Variants in OPRM1 observed in about 807,000 individuals in gnomAD.
OPRM1 encodes the protein opioid receptor mu 1.
In OPRM1, 27 loss-of-function variants were observed where a neutral mutation model predicts 31.8. The ratio of observed to expected loss-of-function variants is 0.85; its 90% CI spans 0.63 to 1.17. The LOEUF (loss-of-function observed/expected upper bound fraction) is 1.17, where lower values mean the gene tolerates loss of function less well. Ranked by LOEUF, OPRM1 falls within the 50% of genes most tolerant of loss-of-function variation. The pLI is 0.00. For missense variants in OPRM1, 536 were observed against 511.1 expected (o/e 1.05, Z -0.47); for synonymous variants, 196 against 189.9 (o/e 1.03, Z -0.26).
At chr6:154,190,800 T>C (rs898430457) in intron 3 of OPRM1, among the ~76,000 whole-genome samples, 1 of 152,192 alleles carries the variant, frequency 6.6e-6, no homozygotes, top group African/African-American at 2.4e-5. Flanking sequence ...CTGTGATGCA[T>C]CCATACAATG....
In OPRM1 at chr6:154,126,999, G is replaced by A. The variant is rs1797624571; in HGVS notation, c.*8278G>A. On this transcript the variant is annotated 3_prime_UTR_variant, in exon 4 of 4. Transcript: ENST00000330432. The stretch of plus-strand genomic sequence containing the variant: ...TGGTGCACGCCTGTAATCCCAGCTA[G>A]TCGGGAGGCTGAGGCAGGAGAATTG... 1.3e-5 allele frequency among the ~76,000 whole-genome samples: 2 copies of A among 151,842 alleles called. No homozygotes were observed. Among genetic ancestry groups the A allele is most frequent in the South Asian group, 4.2e-4 (2 of 4,812 alleles).
intron 3 of OPRM1, among the ~76,000 whole-genome samples, chr6:154,228,876 G>A (rs978785625): frequency 4.6e-5 from 7 of 152,194 alleles, no homozygotes; most frequent in African/African-American, 1.2e-4. Flanking sequence ...GCTACAGAGT[G>A]AGACCCAGTC....
downstream of OPRM1, among the ~76,000 whole-genome samples, chr6:154,137,097 T>C (rs1583646543): frequency 6.6e-6 from 1 of 152,170 alleles, no homozygotes; most frequent in Non-Finnish European, 1.5e-5. Flanking sequence ...AAACCAAGCC[T>C]GAGAGATTAC....
chr6:154,142,122 C>CGTCTCTG (rs1798230615), intron 3 of OPRM1, among the ~76,000 whole-genome samples: 1 of 53,348 alleles, frequency 1.9e-5, no homozygotes, highest in African/African-American at 6.4e-5. Flanking sequence ...AACCTCTGGC[C>CGTCTCTG]GTCTCTGCTG....
At chr6:154,034,085 C>A (rs1432703349) in intron 1 of OPRM1, among the ~76,000 whole-genome samples, 3 of 152,174 alleles carry the variant, frequency 2.0e-5, no homozygotes, top group Non-Finnish European at 2.9e-5. Flanking sequence ...TAAATCTTGG[C>A]CCTTGAGTAC....
chr6:154,039,488 A>G lies in OPRM1; in HGVS notation c.-57A>G, dbSNP rs747870550. 1 of 1,564,992 alleles carries G rather than the reference A, an allele frequency of 6.4e-7. No individual in the cohort carries two copies. Among genetic ancestry groups the G allele is most frequent in the Non-Finnish European group, 8.7e-7 (1 of 1,154,494 alleles). ...AGCGGCTGAGGCGCTTGGAACCCGA[A>G]AAGTCTCGGTGCTCCTGGCTACCTC... is the stretch of plus-strand genomic sequence containing the variant. On this transcript the variant is annotated 5_prime_UTR_variant, in exon 1 of 4. Coordinates refer to ENST00000330432, the MANE Select transcript of OPRM1 (RefSeq NM_000914.5).
intron 3 of OPRM1, among the ~76,000 whole-genome samples, chr6:154,184,896 C>G (rs1354645068): frequency 2.0e-5 from 3 of 151,190 alleles, no homozygotes; most frequent in Non-Finnish European, 4.5e-5. Flanking sequence ...CTTGCCTACC[C>G]CTTTCAGATA....
At chr6:154,143,173 A>T (rs1001161733) in intron 3 of OPRM1, among the ~76,000 whole-genome samples, 1 of 152,148 alleles carries the variant, frequency 6.6e-6, no homozygotes, top group Non-Finnish European at 1.5e-5. Flanking sequence ...GTAATTTAAT[A>T]TTTTTTTGAT....
chr6:154,012,561 G>A (rs1777786282), intron 1 of OPRM1, among the ~76,000 whole-genome samples: 2 of 151,996 alleles, frequency 1.3e-5, no homozygotes, highest in Non-Finnish European at 1.5e-5. Context: ...CTCAAAGGTA[G>A]GATTTGGTCA....
intron 1 of OPRM1, among the ~76,000 whole-genome samples, chr6:154,057,175 G>A (rs1326114781): frequency 6.6e-6 from 1 of 152,036 alleles, no homozygotes; most frequent in Non-Finnish European, 1.5e-5. Flanking sequence ...GTCTAAACAG[G>A]GAAGACATTG....
intron 3 of OPRM1, among the ~76,000 whole-genome samples, chr6:154,202,494 T>C (rs949702230): frequency 1.1e-4 from 17 of 152,216 alleles, no homozygotes; most frequent in African/African-American, 4.1e-4. Flanking sequence ...CACGTTCCCC[T>C]ATTGTGAGCT....
rs117780433 is a variant in OPRM1 at position 154,026,039 on chromosome 6, G to A, written c.1-13122G>A. On this transcript the variant is annotated intron_variant, in intron 1 of 5. Coordinates refer to the OPRM1 transcript ENST00000434900. ...GTACTTACTATCACCAGTGAGTTTT[G>A]TACCTTCAGATGATTTCTTTTTGTT... Among the ~76,000 whole-genome samples the A allele has an allele frequency of 8.8e-3, 1,338 of 152,090 alleles. 20 individuals are homozygous for A. The highest frequency in any genetic ancestry group is 0.052 in the South Asian group (250 of 4,812).
rs188658631 is a variant in OPRM1, at chr6:154,222,080, G to T, written c.1165-24613G>T. Among the ~76,000 whole-genome samples the T allele has an allele frequency of 2.0e-5, 3 of 152,242 alleles. No homozygotes were observed. In the South Asian group the frequency reaches 6.2e-4, roughly 32 times the overall value. On this transcript the variant is annotated intron_variant, in intron 3 of 3. Coordinates refer to the OPRM1 transcript ENST00000337049. ...AAGAATTTTTATAGGAGAATAATCA[G>T]GTATGGAACGTCCACTCTGCAGCAA... is the stretch of plus-strand genomic sequence containing the variant.
At chr6:154,051,747 A>C (rs887145018) in intron 1 of OPRM1, among the ~76,000 whole-genome samples, 2 of 152,230 alleles carry the variant, frequency 1.3e-5, no homozygotes, top group African/African-American at 4.8e-5. Flanking sequence ...AATTAGTTCA[A>C]CCATTGTGGA....
Position 154,085,950 on chromosome 6 carries a change from C to G in OPRM1, c.291-3876C>G, listed in dbSNP as rs187598436. Among the ~76,000 whole-genome samples, 24 of 137,982 alleles carry G rather than the reference C, an allele frequency of 1.7e-4. No individual in the cohort carries two copies. In the East Asian group the frequency reaches 3.3e-3, roughly 19 times the overall value. The allele number at this position is 137,982 out of a possible 152,430, so 90.5% of individuals were successfully genotyped here. On this transcript the variant is annotated intron_variant, in intron 1 of 3. Coordinates refer to ENST00000330432, the MANE Select transcript of OPRM1 (RefSeq NM_000914.5). The stretch of plus-strand genomic sequence containing the variant: ...TTGCTCAGGCTGGAATGCAGTGGTA[C>G]GATTCTCCTGCCTCAGCCTCCCAAG...
rs140312669 is a variant in OPRM1 at position 154,121,433 on chromosome 6, G to A, written c.*2712G>A. 6.6e-6 allele frequency among the ~76,000 whole-genome samples: 1 copy of A among 152,310 alleles called. No individual in the cohort carries two copies. Among genetic ancestry groups the A allele is most frequent in the African/African-American group, 2.4e-5 (1 of 41,564 alleles). On this transcript the variant is annotated 3_prime_UTR_variant, in exon 4 of 4. Coordinates refer to ENST00000330432, the MANE Select transcript of OPRM1 (RefSeq NM_000914.5). ...CTATCCTATCCCAACAGGGCTGTCA[G>A]ACGGAGAACTCCTAATGTGGCCATT...
chr6:154,115,776 A>T (rs1288580370), intron 3 of OPRM1, among the ~76,000 whole-genome samples: 1 of 152,206 alleles, frequency 6.6e-6, no homozygotes, highest in African/African-American at 2.4e-5. Context: ...AGGAGGATTG[A>T]TCTCCACAAA....
At chr6:154,073,079 G>A (rs1384320980) in intron 1 of OPRM1, among the ~76,000 whole-genome samples, 1 of 152,166 alleles carries the variant, frequency 6.6e-6, no homozygotes, top group Admixed American at 6.5e-5. Context: ...TCAAAGCAGA[G>A]AAATGGTGGA....
chr6:154,152,269 AAAAGAAAAGG>A (rs142956970), intron 3 of OPRM1, among the ~76,000 whole-genome samples: 1 of 133,478 alleles, frequency 7.5e-6, no homozygotes, highest in Non-Finnish European at 1.5e-5. Flanking sequence ...GAAAGAAAGA[AAAAGAAAAGG>A]AAAGAAAAGG....
Sources: gnomAD v4.1 joint callset for allele counts (sites outside exome capture counted in the v4.1 genomes callset) on GRCh38, gnomAD v4.1.1 for gene constraint, MANE v1.5 for transcripts, NCBI Gene and HGNC (gene_info 2026-07-23, HGNC 2026-07-21) for gene names.